Variants in DPP6 observed in about 807,000 individuals in gnomAD.
The protein encoded by DPP6 is dipeptidyl peptidase like 6, also known as A-type potassium channel modulatory protein DPP6.
DPP6 carries 69 observed loss-of-function variants against 122.6 expected under a neutral mutation model. The observed-to-expected ratio is 0.56, with a 90% confidence interval of 0.46 to 0.69. The LOEUF (loss-of-function observed/expected upper bound fraction) is 0.69, where lower values mean the gene tolerates loss of function less well. Among genes scored for constraint, DPP6 ranks in the 30% least tolerant of loss-of-function variants. DPP6 has a pLI of 0.00. For synonymous variants in DPP6, 418 were observed against 433.1 expected, an observed-to-expected ratio of 0.97 and a Z score of 0.43; for missense variants, 928 against 1,116.9, an observed-to-expected ratio of 0.83 and a Z score of 2.41.
chr7:154,301,168 T>G (rs1401536180), intron 1 of DPP6, among the ~76,000 whole-genome samples: 1 of 152,170 alleles, frequency 6.6e-6, no homozygotes, highest in Non-Finnish European at 1.5e-5. Context: ...GCTGGAGGTG[T>G]GAGGTCAGAT....
chr7:154,703,228 A>G (rs1281038932), intron 7 of DPP6, among the ~76,000 whole-genome samples: 1 of 152,242 alleles, frequency 6.6e-6, no homozygotes, highest in Non-Finnish European at 1.5e-5. Context: ...GAGATGCACA[A>G]GGAGATAAAT....
chr7:153,839,069 T>A, the DPP6 span, among the ~76,000 whole-genome samples: 6 of 152,148 alleles, frequency 3.9e-5, no homozygotes, highest in Non-Finnish European at 7.4e-5. Flanking sequence ...CTAAGAAGTT[T>A]CCAGATGCTG....
rs559055802 is a variant in DPP6 at position 154,717,380 on chromosome 7, A to G, written c.763-10387A>G. Among the ~76,000 whole-genome samples the G allele has an allele frequency of 6.3e-4, 94 of 150,388 alleles. 2 individuals carry two copies. The highest frequency in any genetic ancestry group is 2.3e-3 in the African/African-American group (92 of 39,834). On this transcript the variant is annotated intron_variant, in intron 7 of 25. Transcript: ENST00000377770. Reference sequence around the variant, plus strand: ...CTCTCCCCATTACCCACTTGCACACAAACACACACACACACACACACGCAC... The same window carrying G: ...CTCTCCCCATTACCCACTTGCACACGAACACACACACACACACACACGCAC...
At chr7:154,751,039 G>A (rs995014537) in intron 8 of DPP6, among the ~76,000 whole-genome samples, 1 of 152,226 alleles carries the variant, frequency 6.6e-6, no homozygotes. Flanking sequence ...AGTACTCACA[G>A]TGCCTCTGCT....
At chr7:154,460,218 G>A (rs1586339443) in intron 2 of DPP6, among the ~76,000 whole-genome samples, 1 of 152,054 alleles carries the variant, frequency 6.6e-6, no homozygotes, top group East Asian at 1.9e-4. Flanking sequence ...CTGACCTCAG[G>A]TGATCCACCC....
chr7:153,825,658 CA>C, the DPP6 span, among the ~76,000 whole-genome samples: 2 of 152,184 alleles, frequency 1.3e-5, no homozygotes, highest in Non-Finnish European at 2.9e-5. Flanking sequence ...CTCCTGGGTT[CA>C]AGTGATTCTT....
chr7:154,789,931 T>C (rs550677345), intron 10 of DPP6, among the ~76,000 whole-genome samples: 119 of 152,320 alleles, frequency 7.8e-4, no homozygotes, highest in African/African-American at 2.8e-3. Flanking sequence ...GGCACAGTGG[T>C]TCATGCTTGT....
At chr7:154,823,187 C>A (rs1799916416) in intron 16 of DPP6, among the ~76,000 whole-genome samples, 1 of 152,140 alleles carries the variant, frequency 6.6e-6, no homozygotes, top group Non-Finnish European at 1.5e-5. Flanking sequence ...AAAGCCTGCT[C>A]ACAAGACCTG....
intron 3 of DPP6, among the ~76,000 whole-genome samples, chr7:154,510,955 CACACACACACACACACAG>C (rs1826035846): frequency 6.6e-6 from 1 of 151,216 alleles, no homozygotes; most frequent in African/African-American, 2.4e-5. Context: ...CACACACACA[CACACACACACACACACAG>C]AGAGAGAGAG....
At chr7:153,868,654 A>C in the DPP6 span, among the ~76,000 whole-genome samples, 3 of 152,010 alleles carry the variant, frequency 2.0e-5, no homozygotes, top group African/African-American at 7.3e-5. Flanking sequence ...TATTTCCTTC[A>C]GTTCTGCTCT....
At chr7:154,564,103 C>T (rs1329582126) in intron 4 of DPP6, among the ~76,000 whole-genome samples, 2 of 152,002 alleles carry the variant, frequency 1.3e-5, no homozygotes, top group South Asian at 2.1e-4. Flanking sequence ...GTCAGGGCTT[C>T]GAGGAGTAGA....
At chr7:154,085,727 TTTTA>T (rs755070185) in intron 1 of DPP6, among the ~76,000 whole-genome samples, 61 of 152,226 alleles carry the variant, frequency 4.0e-4, no homozygotes, top group Admixed American at 9.8e-4. Context: ...TATTTTTTAT[TTTTA>T]TTTATTTATT....
chr7:153,813,437 T>C, the DPP6 span, among the ~76,000 whole-genome samples: 1 of 152,140 alleles, frequency 6.6e-6, no homozygotes, highest in East Asian at 1.9e-4. Context: ...GTTGGACACT[T>C]GGGTTGGTTC....
At chr7:154,176,990 C>G (rs532882060) in intron 1 of DPP6, among the ~76,000 whole-genome samples, 35 of 152,230 alleles carry the variant, frequency 2.3e-4, no homozygotes, top group African/African-American at 8.2e-4. Flanking sequence ...CACACCACCA[C>G]ACCTGGCTAA....
At chr7:154,013,796 GA>G in intron 1 of DPP6, among the ~76,000 whole-genome samples, 1 of 152,138 alleles carries the variant, frequency 6.6e-6, no homozygotes, top group Non-Finnish European at 1.5e-5. Context: ...AATTCACTAG[GA>G]GTGTACAAGG....
At chr7:154,800,623 T>C (rs1447516404) in intron 12 of DPP6, among the ~76,000 whole-genome samples, 1 of 152,170 alleles carries the variant, frequency 6.6e-6, no homozygotes, top group Non-Finnish European at 1.5e-5. Context: ...CCTGGAACCC[T>C]TCCCCCAGGG....
chr7:154,638,730 G>C (rs1835883107), intron 6 of DPP6, among the ~76,000 whole-genome samples: 1 of 152,168 alleles, frequency 6.6e-6, no homozygotes, highest in African/African-American at 2.4e-5. Flanking sequence ...GTCAGACACA[G>C]ATGAAAAATG....
chr7:154,649,744 C>A (rs1261511467), intron 6 of DPP6, among the ~76,000 whole-genome samples: 1 of 152,184 alleles, frequency 6.6e-6, no homozygotes, highest in Non-Finnish European at 1.5e-5. Context: ...CCTGACTGTG[C>A]CATCTCTCAT....
chr7:154,492,942 A>G (rs1042660643), intron 3 of DPP6, among the ~76,000 whole-genome samples: 1 of 152,236 alleles, frequency 6.6e-6, no homozygotes, highest in Non-Finnish European at 1.5e-5. Context: ...CCCAAATAGA[A>G]AAACAGTCAG....
Sources: gnomAD v4.1 joint callset for allele counts (sites outside exome capture counted in the v4.1 genomes callset) on GRCh38, gnomAD v4.1.1 for gene constraint, MANE v1.5 for transcripts, NCBI Gene and HGNC (gene_info 2026-07-23, HGNC 2026-07-21) for gene names.